The following KRT26 variants were observed in gnomAD, a reference collection of about 807,000 sequenced individuals.
The protein encoded by KRT26 is keratin, type I cytoskeletal 26.
A neutral mutation model predicts 46.1 loss-of-function variants in KRT26; 45 were observed. The observed-to-expected ratio is 0.98, with a 90% CI of 0.77 to 1.25. The LOEUF (loss-of-function observed/expected upper bound fraction) is 1.25, where lower values mean the gene tolerates loss of function less well. Among genes scored for constraint, KRT26 ranks in the 50% most tolerant of loss-of-function variants. The pLI is 0.00. For missense variants in KRT26, 582 were observed against 560.1 expected (o/e 1.04, Z -0.39); for synonymous variants, 191 against 209.9 (o/e 0.91, Z 0.78).
exon 1 of KRT26, chr17:40,771,999 C>T (rs1425707197): frequency 6.2e-7 from 1 of 1,614,184 alleles, no homozygotes. Flanking sequence ...CTGCTTCTTG[C>T]TCCCGATCCA....
intron 6 of KRT26, among the ~76,000 whole-genome samples, chr17:40,768,046 C>A (rs1003582488): frequency 6.6e-6 from 1 of 152,098 alleles, no homozygotes; most frequent in African/African-American, 2.4e-5. Context: ...CAAAAAGTTA[C>A]CTATAACATG....
intron 1 of KRT26, 118 bp downstream of exon 1, chr17:40,771,555 T>G (rs2038221226): frequency 1.2e-6 from 1 of 869,556 alleles, no homozygotes. Flanking sequence ...GCACTGGAAA[T>G]ACAGAGTGAA....
At chr17:40,770,354 G>C in exon 3 of KRT26, 1 of 1,613,760 alleles carries the variant, frequency 6.2e-7, no homozygotes, top group Non-Finnish European at 8.5e-7. Context: ...AACACTCTGC[G>C]AAGACCACTG....
In KRT26 at chr17:40,772,018, A is replaced by G. The variant is rs1293851858; in HGVS notation, c.96T>C (p.Asn32=). The stretch of plus-strand genomic sequence containing the variant: ...TTCTTGCTCCCGATCCAACACACAC[A>G]TTCCCAGCCACGAAGCCTGTTCCTC... Residue 32 remains asparagine (N), a synonymous_variant, in exon 1 of 8, where the codon AAT becomes AAC. Coordinates refer to ENST00000335552, the Ensembl canonical transcript of KRT26. The G allele has an allele frequency of 1.9e-6, 3 of 1,614,024 alleles. No individual in the cohort carries two copies. In the African/African-American group the frequency reaches 4.0e-5, roughly 22 times the overall value.
At chr17:40,771,129 A>T in intron 2 of KRT26, 25 bp downstream of exon 2, 1 of 1,371,062 alleles carries the variant, frequency 7.3e-7, no homozygotes, top group Non-Finnish European at 1.0e-6. Flanking sequence ...TTATTAATAT[A>T]ATTAATCAGT....
exon 1 of KRT26, chr17:40,771,759 A>G (rs879876597): frequency 3.1e-6 from 5 of 1,614,152 alleles, no homozygotes; most frequent in Non-Finnish European, 3.4e-6. Context: ...CATTTCTCGT[A>G]CCAGCCCTTG....
At chr17:40,770,005 C>T in exon 4 of KRT26, 1 of 1,614,180 alleles carries the variant, frequency 6.2e-7, no homozygotes, top group Non-Finnish European at 8.5e-7. Context: ...TTCTGCTCAG[C>T]CAAGTCCTCA....
chr17:40,768,751 C>T, intron 6 of KRT26, 128 bp downstream of exon 6: 1 of 553,860 alleles, frequency 1.8e-6, no homozygotes. Context: ...CAATAATATA[C>T]ATTCCTGAGG....
chr17:40,766,870 G>T (rs1322698226), intron 7 of KRT26, among the ~76,000 whole-genome samples: 2 of 152,084 alleles, frequency 1.3e-5, no homozygotes, highest in Admixed American at 6.6e-5. Context: ...CTCCCGAGTA[G>T]CTGGGATTAC....
At chr17:40,767,276 G>A (rs1287951845) in intron 7 of KRT26, among the ~76,000 whole-genome samples, 4 of 152,106 alleles carry the variant, frequency 2.6e-5, no homozygotes, top group African/African-American at 4.8e-5. Context: ...CAACTTGCCC[G>A]ATTTTTGTGG....
chr17:40,771,930 C>T (rs2038225260), exon 1 of KRT26: 4 of 1,614,216 alleles, frequency 2.5e-6, no homozygotes, highest in Admixed American at 1.7e-5. Context: ...CTTCCCAACC[C>T]TCCACCGCTA....
At chr17:40,770,227 T>C in intron 3 of KRT26, 26 bp downstream of exon 3, 1 of 1,613,920 alleles carries the variant, frequency 6.2e-7, no homozygotes, top group Non-Finnish European at 8.5e-7. Flanking sequence ...AGAAACTGTA[T>C]GAAGCCACTC....
rs1286481226 is a variant in KRT26, at chr17:40,770,134, A to T, written c.682-12T>A. On this transcript the variant is annotated splice_polypyrimidine_tract_variant and intron_variant, in intron 3 of 7. Transcript: ENST00000335552. ...AAGACTTCCATTTCCTAGAAAAGGG[A>T]TCGGTATTCATCCTCAGTGGAGGAT... 3.7e-6 allele frequency: 6 copies of T among 1,613,942 alleles called. No homozygotes were observed. Among genetic ancestry groups the T allele is most frequent in the African/African-American group, 2.7e-5 (2 of 74,900 alleles).
chr17:40,771,573 T>G, intron 1 of KRT26, 100 bp downstream of exon 1: 1 of 1,041,040 alleles, frequency 9.6e-7, no homozygotes, highest in Non-Finnish European at 1.4e-6. Context: ...GAACAAATCT[T>G]ACATCACATA....
chr17:40,766,771 G>C lies in KRT26; in HGVS notation c.1256-105C>G, dbSNP rs938167334. The C allele has an allele frequency of 3.7e-5, 28 of 756,896 alleles. No individual in the cohort carries two copies. The Admixed American group carries it at 6.7e-4, about 18-fold the overall frequency. 46.9% of individuals were successfully genotyped at this position (756,896 alleles called of 1,614,324 possible). On this transcript the variant is annotated intron_variant, in intron 7 of 7. Transcript: ENST00000335552. ...GTTTGTTTTTTTGAGAAGGAGTCTC[G>C]CTCTGTCACCCAGGCTGGAGTGCAG...
chr17:40,771,038 G>T, intron 2 of KRT26, 116 bp downstream of exon 2: 1 of 542,954 alleles, frequency 1.8e-6, no homozygotes, highest in Non-Finnish European at 3.2e-6. Context: ...TTTCTTTATT[G>T]ATCTAGTCTG....
At chr17:40,766,400 A>G in exon 8 of KRT26, 1 of 818,336 alleles carries the variant, frequency 1.2e-6, no homozygotes, top group South Asian at 2.2e-5. Context: ...TAAGAACAGA[A>G]ATGAATAATT....
chr17:40,771,735 A>T, exon 1 of KRT26: 1 of 1,614,210 alleles, frequency 6.2e-7, no homozygotes, highest in South Asian at 1.1e-5. Flanking sequence ...TGTTCCCGGG[A>T]AGAGCCAGGC....
chr17:40,770,842 G>T (rs776535779), intron 2 of KRT26, among the ~76,000 whole-genome samples: 1 of 152,008 alleles, frequency 6.6e-6, no homozygotes, highest in Non-Finnish European at 1.5e-5. Context: ...GAGCCACCAT[G>T]CCTGACTATT....
Sources: gnomAD v4.1 joint callset for allele counts (sites outside exome capture counted in the v4.1 genomes callset) on GRCh38, gnomAD v4.1.1 for gene constraint, MANE v1.5 for transcripts, NCBI Gene and HGNC (gene_info 2026-07-23, HGNC 2026-07-21) for gene names.